KANSL1L: variants seen among roughly 807,000 people sequenced by gnomAD.
The protein encoded by KANSL1L is KAT8 regulatory NSL complex subunit 1-like protein.
Under a neutral mutation model 108.6 loss-of-function variants are expected in KANSL1L, and 25 were observed. The ratio of observed to expected loss-of-function variants is 0.23; its 90% confidence interval spans 0.17 to 0.32. KANSL1L has a LOEUF of 0.32. KANSL1L is among the 10% of genes least tolerant of loss of function. The probability of loss-of-function intolerance (pLI) is 1.00; values close to 1 mark genes in which losing one functional copy is unlikely to be tolerated. For synonymous variants in KANSL1L, 405 were observed against 395.1 expected, an observed-to-expected ratio of 1.03 and a Z score of -0.30; for missense variants, 1,137 against 1,125.7, an observed-to-expected ratio of 1.01 and a Z score of -0.14.
chr2:210,160,958 AGG>A (rs1051104455), intron 1 of KANSL1L, among the ~76,000 whole-genome samples: 9 of 151,786 alleles, frequency 5.9e-5, no homozygotes, highest in African/African-American at 2.2e-4. Context: ...AACAGAGCTC[AGG>A]AACAGACCCA....
At position 210,154,299 on chromosome 2, in the gene KANSL1L, T is replaced by G. The variant is rs1264740007; in HGVS notation, c.284A>C (p.Asn95Thr). The change falls in exon 2 of 15, where the codon AAT becomes ACT. Residue 95 changes from asparagine (N) to threonine (T), a missense_variant. Physicochemically the swap from Asn to Thr is moderately conservative, Grantham distance 65. Coordinates refer to ENST00000281772, the MANE Select transcript of KANSL1L (RefSeq NM_152519.4). ...SNSTLNKHNE[N>T]YKQKKLGEPS... ...CTCCCCTAATTTCTTTTGTTTATAA[T>G]TCTCATTGTGTTTATTTAATGTAGA... The G allele has an allele frequency of 5.0e-6, 8 of 1,613,200 alleles. No individual in the cohort carries two copies. Among genetic ancestry groups the G allele is most frequent in the African/African-American group, 1.3e-5 (1 of 74,886 alleles).
At chr2:210,039,175 T>C (rs1322364197) in intron 8 of KANSL1L, among the ~76,000 whole-genome samples, 1 of 151,952 alleles carries the variant, frequency 6.6e-6, no homozygotes, top group Non-Finnish European at 1.5e-5. Flanking sequence ...AATAACTTCG[T>C]TCCAATAATA....
intron 6 of KANSL1L, among the ~76,000 whole-genome samples, chr2:210,067,716 C>CAAAAAAAAAAAA (rs569072484): frequency 6.5e-5 from 6 of 92,948 alleles, no homozygotes; most frequent in African/African-American, 2.8e-4. Flanking sequence ...ACCCTGTCTC[C>CAAAAAAAAAAAA]AAAAAAAAAA....
intron 1 of KANSL1L, among the ~76,000 whole-genome samples, chr2:210,156,553 C>A (rs1559612883): frequency 6.6e-6 from 1 of 151,896 alleles, no homozygotes; most frequent in Non-Finnish European, 1.5e-5. Context: ...TAAAAAAGAA[C>A]ACTGTAAAAT....
intron 6 of KANSL1L, among the ~76,000 whole-genome samples, chr2:210,067,738 A>C (rs2094477108): frequency 7.9e-6 from 1 of 126,220 alleles, no homozygotes; most frequent in Non-Finnish European, 1.8e-5. Flanking sequence ...AAAAAAAAAA[A>C]AAAAAATTGA....
upstream of KANSL1L, among the ~76,000 whole-genome samples, chr2:210,172,575 T>A (rs997689106): frequency 2.6e-5 from 4 of 152,218 alleles, no homozygotes; most frequent in African/African-American, 9.7e-5. Flanking sequence ...AATTACTGAA[T>A]AATTGCACCT....
intron 5 of KANSL1L, 164 bp downstream of exon 5, chr2:210,097,922 T>C (rs2094753188): frequency 2.4e-6 from 1 of 410,108 alleles, no homozygotes; most frequent in Admixed American, 4.6e-5. Context: ...ATTGTGTAAA[T>C]TTAATATTAT....
intron 14 of KANSL1L, 139 bp downstream of exon 14, chr2:210,023,894 G>T: frequency 2.0e-6 from 1 of 511,144 alleles, no homozygotes. Flanking sequence ...ACAAAATGCT[G>T]CAATACAGAT....
chr2:210,139,742 C>CTTTT (rs200971902), intron 2 of KANSL1L, among the ~76,000 whole-genome samples: 1 of 134,372 alleles, frequency 7.4e-6, no homozygotes, highest in East Asian at 2.1e-4. Flanking sequence ...TGCCCATTTC[C>CTTTT]TTTTTTTTTT....
At position 210,170,467 on chromosome 2, in the gene KANSL1L, G is replaced by A. The variant is rs1345203784; in HGVS notation, c.-30+682C>T. The A allele has an allele frequency of 1.8e-5, 14 of 791,516 alleles. No individual in the cohort carries two copies. In the South Asian group the frequency reaches 2.9e-4, roughly 16 times the overall value. The allele number at this position is 791,516 out of a possible 1,614,324, so 49.0% of individuals were successfully genotyped here. ...TTTCCTTTCCTGTGGTTTCTGAAAC[G>A]GCCAGGATACCGCCTGGTATTTCTT... is the stretch of plus-strand genomic sequence containing the variant. On this transcript the variant is annotated intron_variant, in intron 1 of 14. Coordinates refer to ENST00000281772, the MANE Select transcript of KANSL1L (RefSeq NM_152519.4).
intron 2 of KANSL1L, among the ~76,000 whole-genome samples, chr2:210,138,935 C>T (rs988161280): frequency 6.6e-6 from 1 of 151,852 alleles, no homozygotes; most frequent in African/African-American, 2.4e-5. Flanking sequence ...CCCGCCTCTA[C>T]TAAAAATACA....
intron 13 of KANSL1L, 117 bp from the exon 14 acceptor site, chr2:210,024,318 C>G: frequency 1.4e-6 from 1 of 694,260 alleles, no homozygotes; most frequent in East Asian, 3.2e-5. Context: ...ACAGTTTTGC[C>G]CAAAGATTTT....
chr2:210,058,709 C>A (rs1002427622), intron 6 of KANSL1L, among the ~76,000 whole-genome samples: 1 of 151,812 alleles, frequency 6.6e-6, no homozygotes, highest in African/African-American at 2.4e-5. Flanking sequence ...TGGTGGCGGG[C>A]GCCTGTAGTC....
At chr2:210,039,718 A>G (rs2094144112) in intron 8 of KANSL1L, among the ~76,000 whole-genome samples, 1 of 151,842 alleles carries the variant, frequency 6.6e-6, no homozygotes, top group Non-Finnish European at 1.5e-5. Flanking sequence ...TTTATTTTGT[A>G]GTTTTAATGT....
chr2:210,121,847 GATACAAAATCAGC>G (rs776080256), intron 3 of KANSL1L, among the ~76,000 whole-genome samples: 12 of 152,016 alleles, frequency 7.9e-5, no homozygotes, highest in Non-Finnish European at 1.6e-4. Context: ...TAAGTTGCAG[GATACAAAATCAGC>G]ATACAAAAAA....
intron 3 of KANSL1L, among the ~76,000 whole-genome samples, chr2:210,127,015 A>C (rs2095071944): frequency 6.6e-6 from 1 of 152,048 alleles, no homozygotes; most frequent in Non-Finnish European, 1.5e-5. Context: ...TCTTGAATAT[A>C]GTGAAACTCT....
intron 2 of KANSL1L, among the ~76,000 whole-genome samples, chr2:210,133,351 T>C (rs893919457): frequency 1.2e-4 from 19 of 152,124 alleles, no homozygotes; most frequent in African/African-American, 4.6e-4. Context: ...TATATTTTTC[T>C]TGGCTATTTC....
At chr2:210,109,024 C>T (rs1484831288) in intron 3 of KANSL1L, among the ~76,000 whole-genome samples, 3 of 152,028 alleles carry the variant, frequency 2.0e-5, no homozygotes, top group Non-Finnish European at 4.4e-5. Context: ...GTAAAAAACG[C>T]CTTTTTCTAG....
At chr2:210,096,799 A>G in intron 5 of KANSL1L, 1 of 939,652 alleles carries the variant, frequency 1.1e-6, no homozygotes, top group Non-Finnish European at 1.3e-6. Flanking sequence ...GAAAAAATAA[A>G]GCAAAACCAA....
Sources: gnomAD v4.1 joint callset for allele counts (sites outside exome capture counted in the v4.1 genomes callset) on GRCh38, gnomAD v4.1.1 for gene constraint, MANE v1.5 for transcripts, NCBI Gene and HGNC (gene_info 2026-07-23, HGNC 2026-07-21) for gene names.